VSTM4: variants seen among roughly 807,000 people sequenced by gnomAD.
VSTM4 encodes the protein V-set and transmembrane domain containing 4.
A neutral mutation model predicts 36.4 loss-of-function variants in VSTM4; 20 were observed. The observed-to-expected ratio is 0.55, with a 90% CI of 0.39 to 0.80. The LOEUF (loss-of-function observed/expected upper bound fraction) is 0.80. Among genes scored for constraint, VSTM4 ranks in the 30% least tolerant of loss-of-function variants. The probability of loss-of-function intolerance (pLI) is 0.00; values close to 1 mark genes in which losing one functional copy is unlikely to be tolerated. For synonymous variants in VSTM4, 182 were observed against 173.9 expected (o/e 1.05, Z -0.37); for missense variants, 392 against 404.5 (o/e 0.97, Z 0.26).
intron 3 of VSTM4, among the ~76,000 whole-genome samples, chr10:49,078,417 TA>T (rs1337377870): frequency 1.3e-5 from 2 of 151,890 alleles, no homozygotes; most frequent in African/African-American, 4.8e-5. Context: ...AGTGAATAGT[TA>T]AACAAAGTGT....
intron 2 of VSTM4, chr10:49,103,508 A>T: frequency 8.1e-7 from 1 of 1,240,392 alleles, no homozygotes. Flanking sequence ...GAACTATATT[A>T]CACTATATTA....
intron 3 of VSTM4, among the ~76,000 whole-genome samples, chr10:49,082,139 C>T (rs1425229524): frequency 1.3e-5 from 2 of 152,206 alleles, no homozygotes. Flanking sequence ...CTGCCGCACT[C>T]AGTTCCAGGG....
At chr10:49,075,675 G>A (rs772026705) in intron 4 of VSTM4, among the ~76,000 whole-genome samples, 5 of 152,228 alleles carry the variant, frequency 3.3e-5, no homozygotes, top group Non-Finnish European at 7.3e-5. Context: ...TGGTGGGAGA[G>A]CACAGGCTCC....
rs770973959 is a variant in VSTM4, at chr10:49,077,315, A to G, written c.538T>C (p.Tyr180His). Residue 180 changes from tyrosine (Y) to histidine (H), a missense_variant, in exon 4 of 8, where the codon TAT becomes CAT. Physicochemically the swap from Tyr to His is moderately conservative, Grantham distance 83. Coordinates refer to ENST00000332853, the MANE Select transcript of VSTM4 (RefSeq NM_001031746.5). ...TWAFFEDLYVYAVLVCCVGIL... is the reference protein window; with the variant it reads ...TWAFFEDLYVHAVLVCCVGIL... ...CCCACGCAGCACACGAGGACAGCAT[A>G]CACATAGAGATCTGAAAGGCAAGGA... is the stretch of plus-strand genomic sequence containing the variant. The G allele has an allele frequency of 9.3e-6, 15 of 1,614,094 alleles. No homozygotes were observed. Among genetic ancestry groups the G allele is most frequent in the Non-Finnish European group, 1.3e-5 (15 of 1,180,028 alleles).
intron 7 of VSTM4, among the ~76,000 whole-genome samples, chr10:49,041,745 GA>G (rs1250448507): frequency 6.6e-6 from 1 of 152,180 alleles, no homozygotes; most frequent in East Asian, 1.9e-4. Flanking sequence ...ACACCTGAGG[GA>G]TATGGATCAT....
At chr10:49,045,520 T>C (rs1413377231) in intron 7 of VSTM4, among the ~76,000 whole-genome samples, 1 of 152,160 alleles carries the variant, frequency 6.6e-6, no homozygotes, top group East Asian at 1.9e-4. Context: ...AAACAAGATA[T>C]TTGCAAGCCT....
At chr10:49,071,473 G>A (rs1167996155) in intron 4 of VSTM4, among the ~76,000 whole-genome samples, 1 of 152,228 alleles carries the variant, frequency 6.6e-6, no homozygotes, top group Non-Finnish European at 1.5e-5. Context: ...CAGGAGGGAA[G>A]GGGAAACATG....
intron 5 of VSTM4, among the ~76,000 whole-genome samples, chr10:49,049,250 T>A (rs1264252046): frequency 2.0e-5 from 3 of 152,346 alleles, no homozygotes; most frequent in Admixed American, 2.0e-4. Context: ...ATCAGCTTCT[T>A]AATATGTGTT....
intron 2 of VSTM4, among the ~76,000 whole-genome samples, chr10:49,095,254 T>C (rs1486651817): frequency 2.6e-5 from 4 of 152,116 alleles, no homozygotes; most frequent in Non-Finnish European, 5.9e-5. Context: ...TAGGGCTATA[T>C]ATCCACTTGC....
intron 7 of VSTM4, among the ~76,000 whole-genome samples, chr10:49,023,806 G>A (rs577938686): frequency 9.5e-4 from 145 of 152,262 alleles, no homozygotes; most frequent in Non-Finnish European, 1.5e-3. Flanking sequence ...AGAAGGTTGC[G>A]GAGTGTTAGT....
At chr10:49,032,637 T>A (rs993671934) in intron 7 of VSTM4, among the ~76,000 whole-genome samples, 1 of 152,090 alleles carries the variant, frequency 6.6e-6, no homozygotes, top group Non-Finnish European at 1.5e-5. Context: ...AGTCTGATAC[T>A]GTCTTTTAGC....
intron 4 of VSTM4, among the ~76,000 whole-genome samples, chr10:49,075,742 G>A (rs1371519631): frequency 6.6e-6 from 1 of 152,210 alleles, no homozygotes; most frequent in Non-Finnish European, 1.5e-5. Flanking sequence ...GGAGCATGCT[G>A]GAGTTCTCCA....
At chr10:49,019,905 T>G (rs1321201004) in intron 7 of VSTM4, 130 bp from the exon 8 acceptor site, 2 of 1,188,820 alleles carry the variant, frequency 1.7e-6, no homozygotes, top group East Asian at 5.2e-5. Context: ...GACAAGAAAT[T>G]TAAGAGGCTA....
At position 49,047,120 on chromosome 10, in the gene VSTM4, G is replaced by GA. The variant is rs556511099; in HGVS notation, c.776-77dup. On this transcript the variant is annotated intron_variant, in intron 6 of 7. Transcript: ENST00000332853. ...GTGGCCACACATTATGAGCATCAGG[G>GA]ACATATTCTGAGAGGTCTCATACCC... 1.9e-4 allele frequency: 269 copies of GA among 1,434,814 alleles called. 2 individuals carry two copies. The highest frequency in any genetic ancestry group is 1.1e-3 in the South Asian group (100 of 86,976). 88.9% of individuals were successfully genotyped at this position (1,434,814 alleles called of 1,614,324 possible).
chr10:49,071,450 G>A (rs978268164), intron 4 of VSTM4, among the ~76,000 whole-genome samples: 7 of 152,262 alleles, frequency 4.6e-5, no homozygotes, highest in African/African-American at 1.7e-4. Flanking sequence ...AGCAAGGACA[G>A]AGACTTGAGG....
At chr10:49,030,234 C>T (rs117572603) in intron 7 of VSTM4, among the ~76,000 whole-genome samples, 2 of 152,320 alleles carry the variant, frequency 1.3e-5, no homozygotes, top group African/African-American at 4.8e-5. Flanking sequence ...GGCCACTGGT[C>T]CACTGGGACC....
chr10:49,035,797 T>C (rs1307340171), intron 7 of VSTM4, among the ~76,000 whole-genome samples: 3 of 151,914 alleles, frequency 2.0e-5, no homozygotes, highest in East Asian at 3.9e-4. Flanking sequence ...ACGGTTGCCA[T>C]TGCACTCCAG....
At chr10:49,025,243 T>C (rs867422745) in intron 7 of VSTM4, among the ~76,000 whole-genome samples, 3 of 151,802 alleles carry the variant, frequency 2.0e-5, no homozygotes, top group South Asian at 2.1e-4. Flanking sequence ...CCCTAGCAAA[T>C]GAATACATAA....
intron 7 of VSTM4, among the ~76,000 whole-genome samples, chr10:49,040,949 A>T (rs1296586940): frequency 6.6e-6 from 1 of 152,212 alleles, no homozygotes; most frequent in African/African-American, 2.4e-5. Flanking sequence ...GATTGGGGCA[A>T]CATGGAACCA....
Sources: allele counts gnomAD v4.1 joint callset (sites outside exome capture counted in the v4.1 genomes callset), GRCh38; gene constraint gnomAD v4.1.1; transcripts MANE v1.5; gene names NCBI Gene and HGNC (gene_info 2026-07-23, HGNC 2026-07-21).